Variants in ARL15 observed in about 807,000 individuals in gnomAD.
ARL15 encodes the protein ARF like GTPase 15.
Under a neutral mutation model 25.2 loss-of-function variants are expected in ARL15, and 19 were observed. That is an observed-to-expected ratio of 0.75 (90% confidence interval 0.53 to 1.10). The LOEUF is 1.10. Ranked by LOEUF, ARL15 falls within the 50% of genes least tolerant of loss-of-function variation. The pLI is 0.00. For synonymous variants in ARL15, 94 were observed against 86.8 expected, an observed-to-expected ratio of 1.08 and a Z score of -0.46; for missense variants, 220 against 246.0, an observed-to-expected ratio of 0.89 and a Z score of 0.71.
At chr5:54,156,963 T>C (rs1754253367) in intron 2 of ARL15, among the ~76,000 whole-genome samples, 1 of 152,214 alleles carries the variant, frequency 6.6e-6, no homozygotes, top group Admixed American at 6.5e-5. Context: ...TGCAGGAGAC[T>C]TGGATGCCTG....
intron 4 of ARL15, among the ~76,000 whole-genome samples, chr5:53,902,410 A>G (rs2111943715): frequency 6.6e-6 from 1 of 152,364 alleles, no homozygotes; most frequent in African/African-American, 2.4e-5. Context: ...TCAATGGTTA[A>G]AGAATGTTGA....
intron 4 of ARL15, among the ~76,000 whole-genome samples, chr5:54,013,597 G>T (rs569748232): frequency 6.6e-6 from 1 of 152,132 alleles, no homozygotes; most frequent in African/African-American, 2.4e-5. Context: ...GGCACCAGAG[G>T]TCACAAGATT....
intron 2 of ARL15, among the ~76,000 whole-genome samples, chr5:54,159,176 T>C (rs1754328920): frequency 6.6e-6 from 1 of 152,210 alleles, no homozygotes; most frequent in Non-Finnish European, 1.5e-5. Flanking sequence ...TTCAGGTCTA[T>C]ATGCCATTGC....
At chr5:53,917,188 T>C (rs1178537623) in intron 4 of ARL15, among the ~76,000 whole-genome samples, 1 of 152,192 alleles carries the variant, frequency 6.6e-6, no homozygotes, top group African/African-American at 2.4e-5. Flanking sequence ...TTAGGTCCAA[T>C]TGTAGCAACT....
intron 4 of ARL15, among the ~76,000 whole-genome samples, chr5:54,025,649 ATTTGTTTGTTTGTTTG>A (rs3836819): frequency 2.0e-5 from 3 of 150,996 alleles, no homozygotes; most frequent in Non-Finnish European, 3.0e-5. Context: ...CTGGCAAGTT[ATTTGTTTGTTTGTTTG>A]TTTGTTTGTT....
At chr5:53,977,201 C>CA (rs1281110794) in intron 4 of ARL15, among the ~76,000 whole-genome samples, 3 of 151,760 alleles carry the variant, frequency 2.0e-5, no homozygotes, top group Non-Finnish European at 2.9e-5. Context: ...ACTAAAAATA[C>CA]AAAAAATTAG....
intron 4 of ARL15, among the ~76,000 whole-genome samples, chr5:54,034,873 T>C (rs1750121565): frequency 6.6e-6 from 1 of 151,706 alleles, no homozygotes; most frequent in Non-Finnish European, 1.5e-5. Context: ...TCTCATTGTG[T>C]TGACAGGCCG....
chr5:54,060,225 G>A (rs577821889), intron 4 of ARL15, among the ~76,000 whole-genome samples: 2 of 151,992 alleles, frequency 1.3e-5, no homozygotes, highest in East Asian at 3.9e-4. Context: ...ATGAGGTCAG[G>A]AGTTCAAGAC....
intron 1 of ARL15, among the ~76,000 whole-genome samples, chr5:54,265,171 A>C (rs2112630977): frequency 6.6e-6 from 1 of 152,248 alleles, no homozygotes; most frequent in Middle Eastern, 3.4e-3. Flanking sequence ...CCCTAAAAAA[A>C]CCCAACTCTT....
At chr5:54,008,413 G>A (rs183164917) in intron 4 of ARL15, among the ~76,000 whole-genome samples, 53 of 152,270 alleles carry the variant, frequency 3.5e-4, no homozygotes, top group South Asian at 2.7e-3. Context: ...CAAAGCACTG[G>A]ATTATGTTAT....
chr5:54,268,380 CAA>C (rs1323431348), intron 1 of ARL15, among the ~76,000 whole-genome samples: 3 of 152,070 alleles, frequency 2.0e-5, no homozygotes, highest in Non-Finnish European at 2.9e-5. Context: ...AAATTTTTTT[CAA>C]AGTTTTCAAC....
chr5:54,260,115 G>A (rs1380253482), intron 1 of ARL15, among the ~76,000 whole-genome samples: 1 of 152,192 alleles, frequency 6.6e-6, no homozygotes, highest in East Asian at 1.9e-4. Flanking sequence ...GCACGTTAAT[G>A]TTCCCTTGGC....
At chr5:53,981,801 AG>A (rs143813873) in intron 4 of ARL15, among the ~76,000 whole-genome samples, 5,127 of 151,866 alleles carry the variant, frequency 0.034, 117 homozygotes, top group Middle Eastern at 0.095. Context: ...CAGGAGGCTG[AG>A]GTAGGAGAAT....
rs139221146 is a variant in ARL15 at position 53,905,707 on chromosome 5, T to G, written c.463-18994A>C. ...ATTCTTACCAAATTCATTTTTCCTT[T>G]GGTAAAATGCCAATTCCAGAAAAGC... On this transcript the variant is annotated intron_variant, in intron 4 of 4. Transcript: ENST00000504924. 4.9e-3 allele frequency among the ~76,000 whole-genome samples: 747 copies of G among 152,338 alleles called. 7 individuals carry two copies. Among genetic ancestry groups the G allele is most frequent in the African/African-American group, 0.017 (701 of 41,582 alleles).
intron 1 of ARL15, among the ~76,000 whole-genome samples, chr5:54,225,265 G>GA (rs1254367883): frequency 6.6e-6 from 1 of 152,128 alleles, no homozygotes; most frequent in South Asian, 2.1e-4. Context: ...GACCGCAGCA[G>GA]AAAAAAAGAT....
intron 1 of ARL15, among the ~76,000 whole-genome samples, chr5:54,244,197 G>A (rs538843450): frequency 6.6e-6 from 1 of 152,234 alleles, no homozygotes; most frequent in Admixed American, 6.5e-5. Flanking sequence ...AACTAATAAT[G>A]TACAAAATAG....
At chr5:54,030,819 A>C (rs1477220875) in intron 4 of ARL15, among the ~76,000 whole-genome samples, 2 of 152,236 alleles carry the variant, frequency 1.3e-5, no homozygotes, top group Non-Finnish European at 2.9e-5. Flanking sequence ...AAATGGAAGG[A>C]AAATCAGTTC....
intron 4 of ARL15, among the ~76,000 whole-genome samples, chr5:53,919,153 A>G (rs1275202868): frequency 6.6e-6 from 1 of 152,232 alleles, no homozygotes; most frequent in Non-Finnish European, 1.5e-5. Flanking sequence ...AACAGGAACC[A>G]TATTGCAAAG....
At chr5:54,153,004 A>C (rs2112344418) in intron 3 of ARL15, among the ~76,000 whole-genome samples, 1 of 152,296 alleles carries the variant, frequency 6.6e-6, no homozygotes, top group African/African-American at 2.4e-5. Flanking sequence ...ATATGTAATA[A>C]ATGTCTTATT....
Sources: gnomAD v4.1 joint callset for allele counts (sites outside exome capture counted in the v4.1 genomes callset) on GRCh38, gnomAD v4.1.1 for gene constraint, MANE v1.5 for transcripts, NCBI Gene and HGNC (gene_info 2026-07-23, HGNC 2026-07-21) for gene names.